TXNDC16: variants seen among roughly 807,000 people sequenced by gnomAD.
TXNDC16 encodes the protein thioredoxin domain containing 16, also known as thioredoxin domain-containing protein 16.
TXNDC16 carries 74 observed loss-of-function variants against 85.6 expected under a neutral mutation model. The ratio of observed to expected loss-of-function variants is 0.86; its 90% CI spans 0.72 to 1.05. The LOEUF (loss-of-function observed/expected upper bound fraction) is 1.05. Among genes scored for constraint, TXNDC16 ranks in the 50% least tolerant of loss-of-function variants. The pLI is 0.00. For synonymous variants in TXNDC16, 335 were observed against 326.5 expected, an observed-to-expected ratio of 1.03 and a Z score of -0.28; for missense variants, 959 against 947.0, an observed-to-expected ratio of 1.01 and a Z score of -0.17.
In TXNDC16 at chr14:52,490,932, A is replaced by G. The variant is rs1424918655; in HGVS notation, c.830T>C (p.Val277Ala). 2.5e-6 allele frequency: 4 copies of G among 1,613,700 alleles called. No individual in the cohort carries two copies. The South Asian group carries it at 4.4e-5, about 18-fold the overall frequency. ...LQLGLPLVFI[V>A]SQQATYEADR... ...AGCTTCATAAGTAGCCTGTTGGCTA[A>G]CAATAAAAACCAGTGGTAAGCCCAG... is the stretch of plus-strand genomic sequence containing the variant. The change falls in exon 10 of 21, where the codon GTT becomes GCT. Residue 277 changes from valine to alanine, a missense_variant. Coordinates refer to ENST00000281741, the MANE Select transcript of TXNDC16 (RefSeq NM_020784.3).
chr14:52,509,844 G>A (rs958302104), intron 9 of TXNDC16, among the ~76,000 whole-genome samples: 3 of 152,162 alleles, frequency 2.0e-5, no homozygotes, highest in Non-Finnish European at 4.4e-5. Flanking sequence ...GCCAGGTGTG[G>A]TGGCAGGTGC....
chr14:52,501,407 A>G (rs2036656345), intron 9 of TXNDC16, among the ~76,000 whole-genome samples: 1 of 152,204 alleles, frequency 6.6e-6, no homozygotes. Flanking sequence ...TTCCATTTTT[A>G]TTAGTTTATA....
chr14:52,536,687 T>A, intron 6 of TXNDC16, 32 bp downstream of exon 6: 1 of 1,532,222 alleles, frequency 6.5e-7, no homozygotes. Flanking sequence ...AAGTAACAAG[T>A]AAACAAATGA....
At chr14:52,488,126 G>T (rs1332693714) in intron 12 of TXNDC16, among the ~76,000 whole-genome samples, 2 of 152,224 alleles carry the variant, frequency 1.3e-5, no homozygotes, top group African/African-American at 2.4e-5. Flanking sequence ...ACAGATGTGG[G>T]AAGTTTGAAG....
intron 9 of TXNDC16, among the ~76,000 whole-genome samples, chr14:52,494,997 G>A (rs1186939356): frequency 2.6e-5 from 4 of 152,216 alleles, no homozygotes; most frequent in Non-Finnish European, 5.9e-5. Flanking sequence ...AAATAAACAT[G>A]TGACCTGAAA....
intron 12 of TXNDC16, among the ~76,000 whole-genome samples, chr14:52,484,094 G>A (rs2036209842): frequency 6.6e-6 from 1 of 150,958 alleles, no homozygotes; most frequent in Non-Finnish European, 1.5e-5. Context: ...TGTAATAATA[G>A]TATTAATTAT....
chr14:52,476,724 G>C (rs2036028464), intron 14 of TXNDC16, among the ~76,000 whole-genome samples: 1 of 152,144 alleles, frequency 6.6e-6, no homozygotes, highest in Non-Finnish European at 1.5e-5. Context: ...GTGTTCTTAA[G>C]AAGAGAAATC....
chr14:52,543,669 G>A (rs891056844), intron 2 of TXNDC16, 39 bp from the exon 3 acceptor site: 5 of 1,194,676 alleles, frequency 4.2e-6, no homozygotes, highest in Non-Finnish European at 1.2e-6. Context: ...TTTGTTGAAT[G>A]AATTTGTTAA....
At chr14:52,467,375 A>T (rs906671337) in intron 16 of TXNDC16, among the ~76,000 whole-genome samples, 1 of 152,232 alleles carries the variant, frequency 6.6e-6, no homozygotes, top group Non-Finnish European at 1.5e-5. Context: ...GATAATATCC[A>T]GAATATATAA....
intron 1 of TXNDC16, among the ~76,000 whole-genome samples, chr14:52,549,357 G>A (rs543946880): frequency 2.0e-5 from 3 of 152,286 alleles, no homozygotes; most frequent in South Asian, 2.1e-4. Context: ...GAATGGCTCC[G>A]TGAGACAATA....
Position 52,537,665 on chromosome 14 carries a change from CAATT to C in TXNDC16, c.247_250del (p.Asn83ValfsTer16). 6.4e-7 allele frequency: 1 copy of C among 1,570,744 alleles called. No homozygotes were observed. Among genetic ancestry groups the C allele is most frequent in the South Asian group, 1.1e-5 (1 of 90,082 alleles). On this transcript the variant is annotated frameshift_variant, in exon 5 of 21. Coordinates refer to ENST00000281741, the MANE Select transcript of TXNDC16 (RefSeq NM_020784.3). LOFTEE classifies it high-confidence loss of function. ...GTATCTTGATATTTCTTCTTTGACA[CAATT>C]AACCTTTAAAAGAGTATACTTAAGT... is the stretch of plus-strand genomic sequence containing the variant.
At chr14:52,470,877 T>C (rs1319078645) in intron 14 of TXNDC16, among the ~76,000 whole-genome samples, 197 bp from the exon 15 acceptor site, 1 of 152,204 alleles carries the variant, frequency 6.6e-6, no homozygotes. Context: ...TTCTCCTTTT[T>C]GTTCCCTTTT....
rs143770830 is a variant in TXNDC16 at position 52,466,719 on chromosome 14, T to C, written c.1618+3318A>G. On this transcript the variant is annotated intron_variant, in intron 16 of 20. Transcript: ENST00000281741. ...GTCTCTATTAAAAATATAAAAAAAT[T>C]AGCGGGGCATGGTGGCAGGCTCCTG... Among the ~76,000 whole-genome samples, 175 of 151,738 alleles carry C rather than the reference T, an allele frequency of 1.2e-3. 1 individual carries two copies. Among genetic ancestry groups the C allele is most frequent in the African/African-American group, 3.9e-3 (160 of 41,386 alleles).
chr14:52,529,882 T>TGA (rs2037451322), intron 6 of TXNDC16, among the ~76,000 whole-genome samples: 1 of 103,570 alleles, frequency 9.7e-6, no homozygotes, highest in African/African-American at 4.0e-5. Flanking sequence ...CTATTATATA[T>TGA]ATGAATTATA....
At chr14:52,500,974 G>C (rs1055271453) in intron 9 of TXNDC16, among the ~76,000 whole-genome samples, 14 of 152,142 alleles carry the variant, frequency 9.2e-5, no homozygotes, top group South Asian at 2.1e-4. Flanking sequence ...CCATCATGGA[G>C]AAAATCATCA....
At chr14:52,486,108 CTTA>C (rs1332082677) in intron 12 of TXNDC16, among the ~76,000 whole-genome samples, 1 of 151,896 alleles carries the variant, frequency 6.6e-6, no homozygotes, top group Non-Finnish European at 1.5e-5. Flanking sequence ...GTATTTTTTT[CTTA>C]TTATTCATAT....
rs2140132070 is a variant in TXNDC16, at chr14:52,470,526, T to C, written c.1467A>G (p.Leu489=). The change falls in exon 15 of 21, where the codon CTA becomes CTG. Residue 489 remains leucine, a synonymous_variant. Coordinates refer to ENST00000281741, the MANE Select transcript of TXNDC16 (RefSeq NM_020784.3). ...TGAATACTTACAGCTGGATAAATTT[T>C]AGGAGATCTTCGGTTCCTAACATTC... ...YAGMLGTEDL[L]KFIQLNRISY... The C allele has an allele frequency of 1.2e-6, 2 of 1,612,806 alleles. No individual in the cohort carries two copies. The highest frequency in any genetic ancestry group is 4.5e-5 in the East Asian group (2 of 44,804).
intron 1 of TXNDC16, among the ~76,000 whole-genome samples, chr14:52,549,207 G>T (rs939950730): frequency 6.6e-6 from 1 of 152,230 alleles, no homozygotes; most frequent in African/African-American, 2.4e-5. Flanking sequence ...TGCTGGCATG[G>T]ATCAGAGTTG....
intron 18 of TXNDC16, among the ~76,000 whole-genome samples, chr14:52,454,041 T>C (rs1024878117): frequency 6.6e-6 from 1 of 152,192 alleles, no homozygotes; most frequent in African/African-American, 2.4e-5. Context: ...ATGAGTAAAT[T>C]GGATTGTTTG....
Sources: gnomAD v4.1 joint callset for allele counts (sites outside exome capture counted in the v4.1 genomes callset) on GRCh38, gnomAD v4.1.1 for gene constraint, MANE v1.5 for transcripts, NCBI Gene and HGNC (gene_info 2026-07-23, HGNC 2026-07-21) for gene names.